Variants in DOCK11 observed in about 807,000 individuals in gnomAD.
The protein encoded by DOCK11 is dedicator of cytokinesis protein 11.
A neutral mutation model predicts 169.1 loss-of-function variants in DOCK11; 70 were observed. That is an observed-to-expected ratio of 0.41 (90% CI 0.34 to 0.51). The LOEUF is 0.51. DOCK11 is among the 20% of genes least tolerant of loss of function. The pLI is 0.10. For synonymous variants in DOCK11, 529 were observed against 541.3 expected (o/e 0.98, Z 0.32); for missense variants, 1,166 against 1,538.8 (o/e 0.76, Z 4.05).
intron 40 of DOCK11, among the ~76,000 whole-genome samples, chrX:118,648,624 CAT>C (rs1292708411): frequency 1.0e-5 from 1 of 97,388 alleles, no homozygotes; most frequent in Non-Finnish European, 2.0e-5. Context: ...ATATATAATA[CAT>C]ATATAATATA....
intron 6 of DOCK11, among the ~76,000 whole-genome samples, chrX:118,554,191 G>A (rs1372511265): frequency 9.0e-6 from 1 of 111,339 alleles, no homozygotes; most frequent in Non-Finnish European, 1.9e-5. Flanking sequence ...TGAATGCCTT[G>A]TTAATACAAG....
intron 14 of DOCK11, among the ~76,000 whole-genome samples, chrX:118,584,259 A>G (rs1194372370): frequency 9.0e-6 from 1 of 110,879 alleles, no homozygotes; most frequent in East Asian, 2.8e-4. Context: ...TTCATTGCAG[A>G]TGACTTTTAA....
intron 6 of DOCK11, among the ~76,000 whole-genome samples, chrX:118,549,692 C>T (rs1669433565): frequency 1.8e-5 from 2 of 109,952 alleles, no homozygotes; most frequent in Middle Eastern, 4.7e-3. Flanking sequence ...TAGCTGGGAC[C>T]ACAGGCACAT....
chrX:118,631,283 T>A (rs187073516), intron 35 of DOCK11, among the ~76,000 whole-genome samples: 140 of 111,833 alleles, frequency 1.3e-3, no homozygotes, highest in African/African-American at 4.4e-3. Flanking sequence ...AATTATTTCG[T>A]TTTAAATATT....
At chrX:118,536,974 T>C (rs953947186) in intron 1 of DOCK11, among the ~76,000 whole-genome samples, 1 of 111,724 alleles carries the variant, frequency 9.0e-6, no homozygotes, top group African/African-American at 3.3e-5. Flanking sequence ...GAGAGCCGAA[T>C]GACTAGGGGA....
chrX:118,672,114 T>A (rs2016489693), intron 46 of DOCK11, among the ~76,000 whole-genome samples: 1 of 112,725 alleles, frequency 8.9e-6, no homozygotes, highest in Non-Finnish European at 1.9e-5. Context: ...GACATGATTC[T>A]ATTCTTTATA....
chrX:118,543,564 C>A lies in DOCK11; in HGVS notation c.363C>A (p.Asp121Glu). 1 of 1,209,143 alleles carries A rather than the reference C, an allele frequency of 8.3e-7. No homozygotes were observed. Among genetic ancestry groups the A allele is most frequent in the South Asian group, 1.8e-5 (1 of 56,954 alleles). The change falls in exon 4 of 53, where the codon GAC becomes GAA. Residue 121 changes from aspartate (D) to glutamate (E), a missense_variant. Coordinates refer to ENST00000276202, the MANE Select transcript of DOCK11 (RefSeq NM_144658.4). ...ACGTGGTAAACTACAAGTATGAGGA[C>A]TTCTCTGGGGACTTTCGAATGTTGC... is the stretch of plus-strand genomic sequence containing the variant. ...DWHVVNYKYE[D>E]FSGDFRMLPC...
chrX:118,520,874 G>A (rs920076783), intron 1 of DOCK11, among the ~76,000 whole-genome samples: 1 of 111,812 alleles, frequency 8.9e-6, no homozygotes, highest in Admixed American at 9.5e-5. Context: ...TGCGTGGTTA[G>A]TCAACATATA....
chrX:118,622,874 A>G (rs1158282088), intron 31 of DOCK11, among the ~76,000 whole-genome samples: 1 of 111,844 alleles, frequency 8.9e-6, no homozygotes, highest in Non-Finnish European at 1.9e-5. Context: ...AAGGGTAATC[A>G]CTAAGTGAAA....
At chrX:118,585,210 T>A in intron 16 of DOCK11, 93 bp downstream of exon 16, 1 of 832,691 alleles carries the variant, frequency 1.2e-6, no homozygotes, top group Non-Finnish European at 1.8e-6. Flanking sequence ...CGTGGCATAT[T>A]AGTTTCCCAG....
At chrX:118,665,830 G>C (rs1215163719) in intron 45 of DOCK11, among the ~76,000 whole-genome samples, 1 of 111,844 alleles carries the variant, frequency 8.9e-6, no homozygotes, top group East Asian at 2.8e-4. Flanking sequence ...AGTTAAACCG[G>C]TAATAACGCA....
intron 44 of DOCK11, among the ~76,000 whole-genome samples, chrX:118,657,457 GGTTT>G (rs914976233): frequency 1.1e-4 from 12 of 111,308 alleles, no homozygotes; most frequent in Admixed American, 9.5e-4. Context: ...AGGATGTGCA[GGTTT>G]GTTACATAGG....
intron 39 of DOCK11, 28 bp from the exon 40 acceptor site, chrX:118,643,429 A>G: frequency 5.9e-6 from 7 of 1,192,590 alleles, no homozygotes; most frequent in Non-Finnish European, 7.9e-6. Flanking sequence ...TCAGTGGGGC[A>G]TAAACCATAT....
intron 1 of DOCK11, among the ~76,000 whole-genome samples, chrX:118,536,312 T>A (rs1306550997): frequency 1.8e-5 from 2 of 109,616 alleles, no homozygotes; most frequent in Non-Finnish European, 3.8e-5. Flanking sequence ...AAAAAAAAAA[T>A]CCTTACAGTT....
intron 24 of DOCK11, among the ~76,000 whole-genome samples, chrX:118,606,215 G>A (rs1352656527): frequency 9.3e-6 from 1 of 107,682 alleles, no homozygotes; most frequent in African/African-American, 3.4e-5. Flanking sequence ...GATTACAGGC[G>A]CCCACCACCA....
At chrX:118,640,190 C>T (rs1361307511) in intron 38 of DOCK11, among the ~76,000 whole-genome samples, 3 of 111,812 alleles carry the variant, frequency 2.7e-5, no homozygotes, top group Admixed American at 9.5e-5. Flanking sequence ...TGCCCAACTG[C>T]GGAAGCTAGA....
At chrX:118,618,402 GATGATAAAAGAATTGCTCAGAATCATTA>G in intron 30 of DOCK11, 120 bp from the exon 31 acceptor site, 1 of 442,060 alleles carries the variant, frequency 2.3e-6, no homozygotes, top group Non-Finnish European at 3.5e-6. Flanking sequence ...GCTTATTCTA[GATGATAAAAGAATTGCTCAGAATCATTA>G]ATAATAAAAA....
At chrX:118,580,563 C>T (rs7060026) in intron 14 of DOCK11, among the ~76,000 whole-genome samples, 1,511 of 111,835 alleles carry the variant, frequency 0.014, 24 homozygotes, top group African/African-American at 0.046. Context: ...GCGATCCACC[C>T]GCCTCGGCCT....
intron 12 of DOCK11, among the ~76,000 whole-genome samples, chrX:118,575,171 C>T (rs1727068006): frequency 9.0e-6 from 1 of 111,002 alleles, no homozygotes; most frequent in African/African-American, 3.3e-5. Context: ...AAGACAATAC[C>T]TATTAACATT....
Sources: allele counts gnomAD v4.1 joint callset (sites outside exome capture counted in the v4.1 genomes callset), GRCh38; gene constraint gnomAD v4.1.1; transcripts MANE v1.5; gene names NCBI Gene and HGNC (gene_info 2026-07-23, HGNC 2026-07-21).